The following RBPJ variants were observed in gnomAD, a reference collection of about 807,000 sequenced individuals.
The protein encoded by RBPJ is recombining binding protein suppressor of hairless.
A neutral mutation model predicts 67.8 loss-of-function variants in RBPJ; 9 were observed. That is an observed-to-expected ratio of 0.13 (90% confidence interval 0.08 to 0.23). The LOEUF is 0.23. RBPJ is among the 10% of genes least tolerant of loss of function. RBPJ has a pLI of 1.00. For synonymous variants in RBPJ, 198 were observed against 203.3 expected, an observed-to-expected ratio of 0.97 and a Z score of 0.22; for missense variants, 305 against 595.6, an observed-to-expected ratio of 0.51 and a Z score of 5.08.
intron 1 of RBPJ, among the ~76,000 whole-genome samples, chr4:26,256,486 A>G (rs2109244797): frequency 6.6e-6 from 1 of 152,290 alleles, no homozygotes; most frequent in East Asian, 1.9e-4. Context: ...ACCTAACTAA[A>G]GTGCCTATCC....
chr4:26,385,639 TTAAA>T (rs1382905663), intron 1 of RBPJ, among the ~76,000 whole-genome samples: 2 of 152,184 alleles, frequency 1.3e-5, no homozygotes, highest in African/African-American at 4.8e-5. Context: ...AATAGGCAAA[TTAAA>T]TAGTTAAAAT....
chr4:26,124,766 A>G, the RBPJ span, among the ~76,000 whole-genome samples: 1 of 152,092 alleles, frequency 6.6e-6, no homozygotes, highest in African/African-American at 2.4e-5. Context: ...GCCTGGCAGC[A>G]TAATAGGTCT....
At chr4:26,427,452 G>A (rs575524133) in intron 7 of RBPJ, among the ~76,000 whole-genome samples, 1 of 152,286 alleles carries the variant, frequency 6.6e-6, no homozygotes, top group African/African-American at 2.4e-5. Context: ...ATAAATTTGG[G>A]AGTTGTCAAC....
intron 1 of RBPJ, among the ~76,000 whole-genome samples, chr4:26,177,521 G>A (rs763137139): frequency 1.3e-5 from 2 of 152,072 alleles, no homozygotes; most frequent in Non-Finnish European, 2.9e-5. Context: ...AGGTTGCAGT[G>A]AGCCAAGATT....
At chr4:26,276,785 C>T (rs1348584288) in intron 1 of RBPJ, among the ~76,000 whole-genome samples, 6 of 152,180 alleles carry the variant, frequency 3.9e-5, no homozygotes, top group Non-Finnish European at 7.4e-5. Context: ...AGAAAGCAAC[C>T]TTAAATAAGC....
the RBPJ span, among the ~76,000 whole-genome samples, chr4:26,129,573 A>G: frequency 2.0e-5 from 3 of 152,190 alleles, no homozygotes; most frequent in Non-Finnish European, 4.4e-5. Context: ...TCATCTGAAA[A>G]ACCAATGAGT....
At chr4:26,339,419 C>A (rs28465688) in intron 1 of RBPJ, among the ~76,000 whole-genome samples, 79,450 of 151,814 alleles carry the variant, frequency 0.52, 20,823 homozygotes, top group Admixed American at 0.57. Context: ...TGATCACTTG[C>A]GGTCAGGAGT....
At chr4:26,226,438 G>A (rs1719078286) in intron 1 of RBPJ, among the ~76,000 whole-genome samples, 1 of 152,186 alleles carries the variant, frequency 6.6e-6, no homozygotes, top group African/African-American at 2.4e-5. Context: ...TTGTACTACT[G>A]CACTTGAGCC....
chr4:26,367,362 T>G (rs1728743279), intron 1 of RBPJ, among the ~76,000 whole-genome samples: 1 of 150,888 alleles, frequency 6.6e-6, no homozygotes, highest in Non-Finnish European at 1.5e-5. Context: ...CTCAACTACT[T>G]GGGAGGCTGA....
intron 1 of RBPJ, among the ~76,000 whole-genome samples, chr4:26,373,245 G>A (rs1222889634): frequency 6.6e-6 from 1 of 151,982 alleles, no homozygotes; most frequent in Non-Finnish European, 1.5e-5. Flanking sequence ...TTAGTTTATT[G>A]CATTATTTTT....
At chr4:26,204,551 G>C (rs936230094) in intron 1 of RBPJ, among the ~76,000 whole-genome samples, 4 of 152,178 alleles carry the variant, frequency 2.6e-5, no homozygotes, top group Non-Finnish European at 5.9e-5. Context: ...GGGACTACTC[G>C]TGGGTAGCCT....
chr4:26,145,257 T>A, the RBPJ span, among the ~76,000 whole-genome samples: 1 of 152,132 alleles, frequency 6.6e-6, no homozygotes, highest in Non-Finnish European at 1.5e-5. Context: ...TTAAACTCTG[T>A]TGGAGTGGGT....
At chr4:26,293,988 C>T (rs1056226828) in intron 1 of RBPJ, among the ~76,000 whole-genome samples, 1 of 152,292 alleles carries the variant, frequency 6.6e-6, no homozygotes. Context: ...GAGCTCCTGA[C>T]CTCAGGTAAT....
Position 26,194,839 on chromosome 4 carries a change from G to T in RBPJ, c.-167+31225G>T, listed in dbSNP as rs114264049. The stretch of plus-strand genomic sequence containing the variant: ...TGTGACCAGTGGTCCTGAAGTCTCT[G>T]CTGCCCTGGTTTTGCACACCCTCCT... On this transcript the variant is annotated intron_variant, in intron 1 of 4. Coordinates refer to the RBPJ transcript ENST00000512351. Among the ~76,000 whole-genome samples the T allele has an allele frequency of 2.4e-3, 368 of 152,298 alleles. 1 individual carries two copies. The highest frequency in any genetic ancestry group is 8.3e-3 in the African/African-American group (344 of 41,570).
intron 1 of RBPJ, among the ~76,000 whole-genome samples, chr4:26,356,519 A>G (rs1278865462): frequency 1.3e-5 from 2 of 152,232 alleles, no homozygotes; most frequent in Non-Finnish European, 1.5e-5. Flanking sequence ...CTCCCAGACA[A>G]ATTCTTTGTG....
chr4:26,313,613 T>C (rs962127237), intron 1 of RBPJ, among the ~76,000 whole-genome samples: 1 of 151,318 alleles, frequency 6.6e-6, no homozygotes, highest in Non-Finnish European at 1.5e-5. Context: ...GAACTTGCAG[T>C]GAGCCAAGAT....
At chr4:26,273,417 C>T (rs776353175) in intron 1 of RBPJ, among the ~76,000 whole-genome samples, 2 of 152,254 alleles carry the variant, frequency 1.3e-5, no homozygotes, top group African/African-American at 4.8e-5. Context: ...GTCTGCCTGG[C>T]GACCTCCCAG....
chr4:26,259,298 T>G (rs113263101), intron 1 of RBPJ, among the ~76,000 whole-genome samples: 2,653 of 152,298 alleles, frequency 0.017, 91 homozygotes, highest in African/African-American at 0.061. Context: ...CATTAAAGCT[T>G]TGGCTAACTT....
intron 1 of RBPJ, among the ~76,000 whole-genome samples, chr4:26,166,588 G>A (rs1296753219): frequency 6.6e-5 from 10 of 151,720 alleles, no homozygotes; most frequent in African/African-American, 2.4e-4. Context: ...TTGTAAATTT[G>A]TTTGAGTTCA....
Sources: allele counts gnomAD v4.1 joint callset (sites outside exome capture counted in the v4.1 genomes callset), GRCh38; gene constraint gnomAD v4.1.1; transcripts MANE v1.5; gene names NCBI Gene and HGNC (gene_info 2026-07-23, HGNC 2026-07-21).